The following DPP3 variants were observed in gnomAD, a reference collection of about 807,000 sequenced individuals.
The protein encoded by DPP3 is DPP III.
DPP3 carries 64 observed loss-of-function variants against 89.8 expected under a neutral mutation model. That is an observed-to-expected ratio of 0.71 (90% CI 0.58 to 0.88). The LOEUF (loss-of-function observed/expected upper bound fraction) is 0.88. Among genes scored for constraint, DPP3 ranks in the 40% least tolerant of loss-of-function variants. The pLI is 0.00. For synonymous variants in DPP3, 377 were observed against 404.3 expected, an observed-to-expected ratio of 0.93 and a Z score of 0.81; for missense variants, 835 against 972.5, an observed-to-expected ratio of 0.86 and a Z score of 1.88.
intron 1 of DPP3, 61 bp downstream of exon 1, chr11:66,480,526 A>G: frequency 1.4e-6 from 2 of 1,452,708 alleles, no homozygotes; most frequent in Non-Finnish European, 1.8e-6. Context: ...ACCAAGGCGA[A>G]TCCATACTGA....
At chr11:66,504,050 G>A (rs2134751525) in intron 16 of DPP3, among the ~76,000 whole-genome samples, 1 of 152,342 alleles carries the variant, frequency 6.6e-6, no homozygotes, top group Middle Eastern at 3.4e-3. Context: ...TGGGAGGAAT[G>A]CTGTGGCCTC....
In DPP3 at chr11:66,487,438, A is replaced by G. The variant is rs1432661711; in HGVS notation, c.573+96A>G. The G allele has an allele frequency of 3.1e-6, 4 of 1,294,126 alleles. No individual in the cohort carries two copies. The East Asian group carries it at 9.4e-5, about 30-fold the overall frequency. 80.2% of individuals were successfully genotyped at this position (1,294,126 alleles called of 1,614,324 possible). On this transcript the variant is annotated intron_variant, in intron 5 of 17. Coordinates refer to ENST00000531863, the MANE Select transcript of DPP3 (RefSeq NM_130443.4). ...GTGACCACTCCTGGGTCTCTGCTTG[A>G]CTACTCCCTGTGTACTAGGGAAGGC...
rs566532784 is a variant in DPP3 at position 66,497,355 on chromosome 11, C to T, written c.1756C>T (p.Leu586Phe). ...LRVLLEAGEG[L>F]VTITPTTGSD... ...AGTCTTGCTGGAGGCTGGCGAGGGA[C>T]TCGTTACCATCACTCCCACCACAGG... is the stretch of plus-strand genomic sequence containing the variant. The change falls in exon 16 of 18, where the codon CTC becomes TTC. Residue 586 changes from leucine to phenylalanine, a missense_variant. Physicochemically the swap from Leu to Phe is conservative, Grantham distance 22 (BLOSUM62 0). Transcript: ENST00000531863. 1 of 1,614,016 alleles carries T rather than the reference C, an allele frequency of 6.2e-7. No homozygotes were observed. The highest frequency in any genetic ancestry group is 8.5e-7 in the Non-Finnish European group (1 of 1,179,986).
At chr11:66,480,551 C>G in intron 1 of DPP3, 86 bp downstream of exon 1, 5 of 1,393,846 alleles carry the variant, frequency 3.6e-6, no homozygotes, top group Non-Finnish European at 4.7e-6. Context: ...AAAATCGTTC[C>G]CTTTCTGCCC....
intron 9 of DPP3, chr11:66,492,284 C>T: frequency 5.5e-6 from 1 of 182,968 alleles, no homozygotes; most frequent in Admixed American, 5.7e-5. Flanking sequence ...CTGCCGCGGC[C>T]CCCACCCCCT....
At chr11:66,489,448 C>T (rs1289969927) in intron 6 of DPP3, among the ~76,000 whole-genome samples, 1 of 152,062 alleles carries the variant, frequency 6.6e-6, no homozygotes, top group Non-Finnish European at 1.5e-5. Flanking sequence ...CGAGCATCCA[C>T]TGGGGAGATG....
intron 16 of DPP3, among the ~76,000 whole-genome samples, chr11:66,503,743 C>G (rs1322104084): frequency 6.6e-6 from 1 of 152,112 alleles, no homozygotes; most frequent in Admixed American, 6.6e-5. Context: ...AAAATTTAGC[C>G]GGGCGTGGTG....
chr11:66,507,082 A>G (rs915286884), intron 17 of DPP3, among the ~76,000 whole-genome samples: 1 of 151,832 alleles, frequency 6.6e-6, no homozygotes, highest in Non-Finnish European at 1.5e-5. Flanking sequence ...AATTGCTTTG[A>G]TATGTCCAGC....
In DPP3 at chr11:66,509,070, C is replaced by T. The variant is rs1272259132; in HGVS notation, c.2042-9C>T. ...TTTCCCTGCTGTTTTCTCTCCATCT[C>T]CTCCCCAGGCTCAGACGTGCAGCTT... On this transcript the variant is annotated splice_polypyrimidine_tract_variant and intron_variant, in intron 17 of 17. Transcript: ENST00000531863. 6.2e-6 allele frequency: 10 copies of T among 1,613,322 alleles called. No individual in the cohort carries two copies. Among genetic ancestry groups the T allele is most frequent in the African/African-American group, 1.3e-5 (1 of 74,922 alleles).
chr11:66,480,496 A>T, intron 1 of DPP3, 31 bp downstream of exon 1: 1 of 1,474,206 alleles, frequency 6.8e-7, no homozygotes. Context: ...TTTTGGGGTC[A>T]AAGCGTGTCA....
intron 12 of DPP3, among the ~76,000 whole-genome samples, chr11:66,494,396 G>A (rs1855478897): frequency 6.6e-6 from 1 of 152,212 alleles, no homozygotes; most frequent in Non-Finnish European, 1.5e-5. Context: ...GGGGTCAGGA[G>A]GATGCGCAGA....
chr11:66,490,150 A>AC (rs1367002758), intron 6 of DPP3, among the ~76,000 whole-genome samples: 10 of 59,432 alleles, frequency 1.7e-4, no homozygotes, highest in Non-Finnish European at 3.2e-4. Context: ...CTATCTAAAA[A>AC]AAAAAAAAAA....
At position 66,492,505 on chromosome 11, in the gene DPP3, G is replaced by A. The variant is rs1216150679; in HGVS notation, c.989-211G>A. The A allele has an allele frequency of 1.1e-5, 6 of 538,292 alleles. No individual in the cohort carries two copies. The East Asian group carries it at 1.3e-4, about 12-fold the overall frequency. The allele number at this position is 538,292 out of a possible 1,614,324, so 33.3% of individuals were successfully genotyped here. A position where few individuals can be genotyped will look rare whatever the true frequency, so the allele number is the denominator to read the frequency against. On this transcript the variant is annotated intron_variant, in intron 9 of 17. Transcript: ENST00000531863. ...GGGAGAAGGGGCAGGCGGCCCAGGG[G>A]CCTGAGGGAGAGACGGGTTTGTGCA...
rs1590738638 is a variant in DPP3 at position 66,492,984 on chromosome 11, A to G, written c.1183+74A>G. On this transcript the variant is annotated intron_variant, in intron 10 of 17. Coordinates refer to ENST00000531863, the MANE Select transcript of DPP3 (RefSeq NM_130443.4). ...GTCGCCCCTCCCTGTCCACACACAC[A>G]CCCTCCACAAACTGCTCTGTGCCTC... 4 of 1,601,284 alleles carry G rather than the reference A, an allele frequency of 2.5e-6. No homozygotes were observed. The East Asian group carries it at 9.0e-5, about 36-fold the overall frequency.
At chr11:66,500,653 C>T (rs985289183) in intron 16 of DPP3, among the ~76,000 whole-genome samples, 19 of 152,230 alleles carry the variant, frequency 1.2e-4, no homozygotes, top group Admixed American at 1.2e-3. Flanking sequence ...GAAACAGCAG[C>T]GTCATCTCTT....
At chr11:66,487,198 G>C in intron 4 of DPP3, 70 bp from the exon 5 acceptor site, 1 of 1,487,060 alleles carries the variant, frequency 6.7e-7, no homozygotes, top group Non-Finnish European at 9.4e-7. Flanking sequence ...GGGAAGCCTG[G>C]GAATATGACG....
Position 66,504,626 on chromosome 11 carries a change from AG to A in DPP3, c.1897del (p.Asp633MetfsTer199). On this transcript the variant is annotated frameshift_variant, in exon 17 of 18. Transcript: ENST00000531863. LOFTEE classifies it high-confidence loss of function. ...CCTTCTCACAGGTGCTGAAGTCCAC[AG>A]GGGATGTGGCCGGAGGGCGGGCCCT... ...LRRLQVLKST[G>X]DVAGGRALYE... is the part of the protein sequence containing the mutation. 6.2e-7 allele frequency: 1 copy of A among 1,611,076 alleles called. No individual in the cohort carries two copies. The highest frequency in any genetic ancestry group is 8.5e-7 in the Non-Finnish European group (1 of 1,178,692).
At chr11:66,489,156 G>A (rs571159802) in intron 6 of DPP3, among the ~76,000 whole-genome samples, 2 of 152,250 alleles carry the variant, frequency 1.3e-5, no homozygotes, top group South Asian at 2.1e-4. Flanking sequence ...GTGAGCCACC[G>A]CGCCTGGCCC....
At chr11:66,501,825 C>CAAAAAAAAAAAA (rs35196491) in intron 16 of DPP3, among the ~76,000 whole-genome samples, 8 of 84,440 alleles carry the variant, frequency 9.5e-5, no homozygotes, top group African/African-American at 4.7e-5. Flanking sequence ...ACTTTGTCTC[C>CAAAAAAAAAAAA]AAAAAAAAAA....
Sources: allele counts gnomAD v4.1 joint callset (sites outside exome capture counted in the v4.1 genomes callset), GRCh38; gene constraint gnomAD v4.1.1; transcripts MANE v1.5; gene names NCBI Gene and HGNC (gene_info 2026-07-23, HGNC 2026-07-21).